MORF4L1: variants seen among roughly 807,000 people sequenced by gnomAD.
The protein encoded by MORF4L1 is mortality factor 4-like protein 1.
Under a neutral mutation model 52.9 loss-of-function variants are expected in MORF4L1, and 4 were observed. The observed-to-expected ratio is 0.08, with a 90% CI of 0.04 to 0.17. The LOEUF (loss-of-function observed/expected upper bound fraction) is 0.17. Among genes scored for constraint, MORF4L1 ranks in the 10% least tolerant of loss-of-function variants. The probability of loss-of-function intolerance (pLI) is 1.00; values close to 1 mark genes in which losing one functional copy is unlikely to be tolerated. For synonymous variants in MORF4L1, 123 were observed against 134.8 expected, an observed-to-expected ratio of 0.91 and a Z score of 0.61; for missense variants, 214 against 390.4, an observed-to-expected ratio of 0.55 and a Z score of 3.81.
intron 3 of MORF4L1, among the ~76,000 whole-genome samples, 178 bp from the exon 4 acceptor site, chr15:78,885,963 A>T (rs541498114): frequency 1.6e-4 from 25 of 152,234 alleles, no homozygotes; most frequent in Non-Finnish European, 3.4e-4. Flanking sequence ...TTTGAAAATA[A>T]AAAGTTTTCC....
At chr15:78,892,932 T>G (rs2056824600) in intron 8 of MORF4L1, 1 of 153,244 alleles carries the variant, frequency 6.5e-6, no homozygotes, top group Non-Finnish European at 1.5e-5. Flanking sequence ...GTTTGAATTC[T>G]GATTTGAATC....
At chr15:78,884,678 C>T (rs1417906480) in intron 3 of MORF4L1, among the ~76,000 whole-genome samples, 1 of 94,314 alleles carries the variant, frequency 1.1e-5, no homozygotes, top group Admixed American at 1.2e-4. Context: ...CACACACACA[C>T]ACACACACAA....
Position 78,887,316 on chromosome 15 carries a change from A to G in MORF4L1, c.290A>G (p.Lys97Arg). 11 of 1,612,514 alleles carry G rather than the reference A, an allele frequency of 6.8e-6. No individual in the cohort carries two copies. Among genetic ancestry groups the G allele is most frequent in the Non-Finnish European group, 8.5e-6 (10 of 1,179,710 alleles). ...GKMRGAAPGK[K>R]TSGLQQKNVE... ...ATGAGAGGGGCTGCCCCAGGAAAGA[A>G]GACATCTGGTCTGCAACAGAAAAAT... Residue 97 changes from lysine (K) to arginine (R), a missense_variant, in exon 5 of 12, where the codon AAG becomes AGG. Physicochemically the swap from Lys to Arg is conservative, Grantham distance 26 (BLOSUM62 2). Around this residue, in one of 5 missense-constraint regions of MORF4L1, gnomAD observed 84 missense variants for 116.3 expected, o/e 0.72. Transcript: ENST00000426013.
chr15:78,892,952 G>A (rs62013184), intron 8 of MORF4L1: 19,713 of 153,466 alleles, frequency 0.13, 1,345 homozygotes, highest in East Asian at 0.26. Flanking sequence ...CCTTTGGAGG[G>A]TTATGCAGTT....
intron 5 of MORF4L1, among the ~76,000 whole-genome samples, chr15:78,888,483 A>T (rs759504663): frequency 2.6e-5 from 4 of 152,110 alleles, no homozygotes; most frequent in Non-Finnish European, 5.9e-5. Flanking sequence ...CTGAAAGTGG[A>T]TGACAAGAGT....
In MORF4L1 at chr15:78,897,958, T is replaced by A. The variant is rs189721775; in HGVS notation, c.*891T>A. ...TAGAAGTTTACATGACTGTTTTTTT[T>A]ATTTTCCCTAAATTATTACTTACTC... On this transcript the variant is annotated 3_prime_UTR_variant, in exon 12 of 12. Coordinates refer to ENST00000426013, the MANE Select transcript of MORF4L1 (RefSeq NM_006791.4). The A allele has an allele frequency of 7.2e-5, 11 of 152,310 alleles. No individual in the cohort carries two copies. The highest frequency in any genetic ancestry group is 2.4e-4 in the African/African-American group (10 of 41,560). 9.4% of individuals were successfully genotyped at this position (152,310 alleles called of 1,614,324 possible). A position where few individuals can be genotyped will look rare whatever the true frequency, so the allele number is the denominator to read the frequency against.
Position 78,897,064 on chromosome 15 carries a change from G to T in MORF4L1, c.969G>T (p.Val323=), listed in dbSNP as rs1413926582. The T allele has an allele frequency of 6.2e-7, 1 of 1,610,272 alleles. No homozygotes were observed. The highest frequency in any genetic ancestry group is 1.3e-5 in the African/African-American group (1 of 74,928). The change falls in exon 12 of 12, where the codon GTG becomes GTT. Residue 323 remains valine (V), a synonymous_variant. Coordinates refer to ENST00000426013, the MANE Select transcript of MORF4L1 (RefSeq NM_006791.4). ...CTCCTGAGTACCATCGGAAAGCTGT[G>T]TGAGAGGCACTCTCACTCACTTATG... The part of the protein sequence containing the change: ...VAPPEYHRKA[V]
intron 6 of MORF4L1, 25 bp downstream of exon 6, chr15:78,891,039 T>A: frequency 6.8e-7 from 1 of 1,475,486 alleles, no homozygotes; most frequent in South Asian, 1.2e-5. Flanking sequence ...TTTCTTAACG[T>A]TAATTTATGT....
intron 1 of MORF4L1, 146 bp from the exon 2 acceptor site, chr15:78,878,067 G>C (rs2056529733): frequency 1.6e-6 from 1 of 621,336 alleles, no homozygotes; most frequent in Non-Finnish European, 2.6e-6. Context: ...GTTGAAGTTT[G>C]AGCCAAAGTG....
intron 4 of MORF4L1, 97 bp downstream of exon 4, chr15:78,886,324 T>G (rs75506745): frequency 0.019 from 19,343 of 1,038,144 alleles, 258 homozygotes; most frequent in Non-Finnish European, 0.021. Context: ...CTGCCCTGCC[T>G]ATAAAATGAT....
At chr15:78,896,082 G>T (rs1293638478) in intron 11 of MORF4L1, among the ~76,000 whole-genome samples, 1 of 151,998 alleles carries the variant, frequency 6.6e-6, no homozygotes, top group South Asian at 2.1e-4. Flanking sequence ...GGGTTCAAAC[G>T]ATTCTTGGGC....
intron 1 of MORF4L1, chr15:78,873,311 T>C: frequency 1.3e-5 from 16 of 1,200,310 alleles, no homozygotes; most frequent in Non-Finnish European, 1.7e-5. Flanking sequence ...CACACCCTCG[T>C]CAAGTGTTTG....
Position 78,873,117 on chromosome 15 carries a change from A to G in MORF4L1, c.40+60A>G. On this transcript the variant is annotated intron_variant, in intron 1 of 11. Transcript: ENST00000426013. ...GGCGCAGGAGATAGAGGCGGGCTCG[A>G]GGTGATTGAGGCTTGAGGGCCGGGG... 2 of 1,546,420 alleles carry G rather than the reference A, an allele frequency of 1.3e-6. No individual in the cohort carries two copies. Among genetic ancestry groups the G allele is most frequent in the Non-Finnish European group, 1.7e-6 (2 of 1,145,020 alleles).
At chr15:78,885,154 C>A in intron 3 of MORF4L1, 1 of 1,264,140 alleles carries the variant, frequency 7.9e-7, no homozygotes, top group South Asian at 1.3e-5. Context: ...TTCCTCTTGG[C>A]TGTATTATAT....
intron 2 of MORF4L1, among the ~76,000 whole-genome samples, chr15:78,880,307 T>C (rs1157714094): frequency 6.6e-6 from 1 of 152,198 alleles, no homozygotes; most frequent in African/African-American, 2.4e-5. Flanking sequence ...AAGGTGACCT[T>C]TTATGCTTGT....
chr15:78,887,771 C>T (rs1008891881), intron 5 of MORF4L1, among the ~76,000 whole-genome samples: 3 of 152,152 alleles, frequency 2.0e-5, no homozygotes, highest in Admixed American at 2.0e-4. Flanking sequence ...CATCCCCACC[C>T]CTAAGAAAAC....
chr15:78,896,966 GA>G lies in MORF4L1; in HGVS notation c.888-15del. The G allele has an allele frequency of 6.2e-7, 1 of 1,606,752 alleles. No individual in the cohort carries two copies. The highest frequency in any genetic ancestry group is 8.5e-7 in the Non-Finnish European group (1 of 1,174,778). Reference sequence around the variant, plus strand: ...AATGACCTTTAAAAATTTTTGTAATGAATATTTTATTTTTAGGTACCTGGCA... The same window carrying G: ...AATGACCTTTAAAAATTTTTGTAATGATATTTTATTTTTAGGTACCTGGCA... On this transcript the variant is annotated splice_polypyrimidine_tract_variant and intron_variant, in intron 11 of 11. Transcript: ENST00000426013.
chr15:78,894,376 T>C (rs764948479), intron 10 of MORF4L1, 146 bp downstream of exon 10: 24 of 593,528 alleles, frequency 4.0e-5, no homozygotes, highest in South Asian at 1.9e-4. Context: ...AAAATCTCTT[T>C]AGGAGCAAGA....
intron 10 of MORF4L1, 196 bp from the exon 11 acceptor site, chr15:78,894,624 G>A: frequency 1.8e-6 from 1 of 541,816 alleles, no homozygotes; most frequent in Non-Finnish European, 3.3e-6. Flanking sequence ...CGCCAGGGTG[G>A]TCTTGAATAC....
Sources: gnomAD v4.1 joint callset for allele counts (sites outside exome capture counted in the v4.1 genomes callset) on GRCh38, gnomAD v4.1.1 for gene constraint, gnomAD v4.1.1 regional missense constraint, MANE v1.5 for transcripts, NCBI Gene and HGNC (gene_info 2026-07-23, HGNC 2026-07-21) for gene names.